The following KCND2 variants were observed in gnomAD, a reference collection of about 807,000 sequenced individuals.
The protein encoded by KCND2 is potassium voltage-gated channel subfamily D member 2.
A neutral mutation model predicts 54.4 loss-of-function variants in KCND2; 16 were observed. The observed-to-expected ratio is 0.29, with a 90% confidence interval of 0.20 to 0.45. The LOEUF (loss-of-function observed/expected upper bound fraction) is 0.45, where lower values mean the gene tolerates loss of function less well. Ranked by LOEUF, KCND2 falls within the 20% of genes least tolerant of loss-of-function variation. The pLI, the probability that KCND2 is intolerant of heterozygous loss-of-function variation, is 1.00. For missense variants in KCND2, 486 were observed against 824.2 expected, an observed-to-expected ratio of 0.59 and a Z score of 5.02; for synonymous variants, 317 against 310.7, an observed-to-expected ratio of 1.02 and a Z score of -0.21.
chr7:120,304,346 A>T (rs1477719449), intron 1 of KCND2, among the ~76,000 whole-genome samples: 1 of 152,194 alleles, frequency 6.6e-6, no homozygotes, highest in Non-Finnish European at 1.5e-5. Context: ...CTTTGGAAAG[A>T]TGGTTTCTGA....
chr7:120,360,234 T>C (rs1800574050), intron 1 of KCND2, among the ~76,000 whole-genome samples: 1 of 152,090 alleles, frequency 6.6e-6, no homozygotes, highest in African/African-American at 2.4e-5. Context: ...TATCACCGAG[T>C]GCTCTTATAG....
intron 1 of KCND2, among the ~76,000 whole-genome samples, chr7:120,416,085 A>G (rs548451457): frequency 2.9e-4 from 44 of 152,202 alleles, no homozygotes; most frequent in Non-Finnish European, 5.7e-4. Context: ...TTCTCTTGCC[A>G]ACATTGCTTC....
At chr7:120,713,620 T>C (rs1792567527) in intron 1 of KCND2, among the ~76,000 whole-genome samples, 1 of 152,152 alleles carries the variant, frequency 6.6e-6, no homozygotes, top group Admixed American at 6.6e-5. Context: ...AAATATGACA[T>C]CAGAGGTGGA....
At chr7:120,578,708 AC>A (rs1462203148) in intron 1 of KCND2, among the ~76,000 whole-genome samples, 2 of 152,276 alleles carry the variant, frequency 1.3e-5, no homozygotes, top group African/African-American at 4.8e-5. Context: ...TAATAAAGAT[AC>A]AAAAACATTA....
intron 4 of KCND2, among the ~76,000 whole-genome samples, chr7:120,745,436 G>A (rs1792993358): frequency 2.0e-5 from 3 of 151,366 alleles, no homozygotes; most frequent in Non-Finnish European, 4.4e-5. Flanking sequence ...ATTTCCCTGT[G>A]GGTTTTATCT....
intron 1 of KCND2, among the ~76,000 whole-genome samples, chr7:120,430,041 T>C (rs958202716): frequency 1.3e-5 from 2 of 152,192 alleles, no homozygotes; most frequent in African/African-American, 4.8e-5. Context: ...TCTGTGTTAC[T>C]GACTTAAGAG....
chr7:120,428,704 A>AC (rs1241160017), intron 1 of KCND2, among the ~76,000 whole-genome samples: 2 of 152,218 alleles, frequency 1.3e-5, no homozygotes, highest in East Asian at 3.9e-4. Context: ...GGAAGGCAAG[A>AC]CCAGCACAGT....
At chr7:120,562,136 G>C (rs1197931460) in intron 1 of KCND2, among the ~76,000 whole-genome samples, 1 of 152,118 alleles carries the variant, frequency 6.6e-6, no homozygotes, top group East Asian at 1.9e-4. Context: ...AGCGCAAGAG[G>C]ACAAGAGGTA....
chr7:120,314,342 A>G (rs1485520839), intron 1 of KCND2, among the ~76,000 whole-genome samples: 1 of 152,090 alleles, frequency 6.6e-6, no homozygotes, highest in Non-Finnish European at 1.5e-5. Context: ...CAAAAAAAAA[A>G]AAAAATGCAT....
At chr7:120,303,500 T>TCA in intron 1 of KCND2, among the ~76,000 whole-genome samples, 1 of 152,218 alleles carries the variant, frequency 6.6e-6, no homozygotes, top group Non-Finnish European at 1.5e-5. Context: ...TCATCTTAAA[T>TCA]CATGTTTAGC....
At chr7:120,499,999 T>C (rs9886214) in intron 1 of KCND2, among the ~76,000 whole-genome samples, 1 of 152,064 alleles carries the variant, frequency 6.6e-6, no homozygotes, top group Non-Finnish European at 1.5e-5. Flanking sequence ...TAGCCATAGA[T>C]GCAAAAGAGA....
chr7:120,669,284 T>C (rs1584876528), intron 1 of KCND2, among the ~76,000 whole-genome samples: 1 of 152,104 alleles, frequency 6.6e-6, no homozygotes, highest in East Asian at 1.9e-4. Context: ...TTTTCCCATG[T>C]CCTTCTCCAA....
At chr7:120,696,886 A>C (rs1370199733) in intron 1 of KCND2, among the ~76,000 whole-genome samples, 1 of 152,240 alleles carries the variant, frequency 6.6e-6, no homozygotes. Context: ...GTATTCCATT[A>C]CAGCAACACA....
At chr7:120,519,857 C>T (rs969703144) in intron 1 of KCND2, among the ~76,000 whole-genome samples, 6 of 152,044 alleles carry the variant, frequency 3.9e-5, no homozygotes, top group South Asian at 2.1e-4. Flanking sequence ...ATTTATTTAA[C>T]ATAGTTCCTA....
chr7:120,629,270 G>A (rs1201412139), intron 1 of KCND2, among the ~76,000 whole-genome samples: 1 of 152,206 alleles, frequency 6.6e-6, no homozygotes, highest in African/African-American at 2.4e-5. Context: ...GGCGGATCAC[G>A]AGGTCAGGAG....
At chr7:120,612,243 C>A (rs943239224) in intron 1 of KCND2, among the ~76,000 whole-genome samples, 9 of 152,148 alleles carry the variant, frequency 5.9e-5, no homozygotes, top group African/African-American at 2.2e-4. Flanking sequence ...TGAAAAAATA[C>A]CATAACTCAT....
intron 1 of KCND2, among the ~76,000 whole-genome samples, chr7:120,526,909 A>G (rs1290340008): frequency 6.6e-6 from 1 of 152,146 alleles, no homozygotes; most frequent in Admixed American, 6.6e-5. Context: ...CCATTTTGAT[A>G]AGGTAATATG....
intron 1 of KCND2, among the ~76,000 whole-genome samples, chr7:120,666,857 C>T (rs547648993): frequency 1.3e-4 from 20 of 152,090 alleles, no homozygotes; most frequent in African/African-American, 4.8e-4. Flanking sequence ...AAATAAAATA[C>T]AAACCTCTAT....
chr7:120,559,223 A>G lies in KCND2; in HGVS notation c.1116-173680A>G, dbSNP rs73217280. On this transcript the variant is annotated intron_variant, in intron 1 of 5. Coordinates refer to ENST00000331113, the MANE Select transcript of KCND2 (RefSeq NM_012281.3). The stretch of plus-strand genomic sequence containing the variant: ...TACCACTACCACAAGCAAAACTTGT[A>G]TTTTCTAATAATTTTTCAAATGACT... Among the ~76,000 whole-genome samples, 1,042 of 152,288 alleles carry G rather than the reference A, an allele frequency of 6.8e-3. 7 individuals are homozygous for G. The highest frequency in any genetic ancestry group is 0.012 in the South Asian group (57 of 4,830).
Sources: gnomAD v4.1 joint callset for allele counts (sites outside exome capture counted in the v4.1 genomes callset) on GRCh38, gnomAD v4.1.1 for gene constraint, MANE v1.5 for transcripts, NCBI Gene and HGNC (gene_info 2026-07-23, HGNC 2026-07-21) for gene names.